ZNF83: variants seen among roughly 807,000 people sequenced by gnomAD.
The protein encoded by ZNF83 is zinc finger protein 816B.
For synonymous variants in ZNF83, 209 were observed against 213.0 expected, an observed-to-expected ratio of 0.98 and a Z score of 0.17; for missense variants, 552 against 629.9, an observed-to-expected ratio of 0.88 and a Z score of 1.32.
chr19:52,613,815 T>C (rs2060203107), exon 3 of ZNF83: 1 of 1,613,940 alleles, frequency 6.2e-7, no homozygotes, highest in South Asian at 1.1e-5. Flanking sequence ...TGATCAGATG[T>C]TGTACAAGGT....
At chr19:52,652,783 A>C (rs539183067) in intron 3 of ZNF83, 1 of 852,640 alleles carries the variant, frequency 1.2e-6, no homozygotes, top group African/African-American at 1.7e-5. Context: ...CTGCCCACTA[A>C]AGGCTTTGCC....
At chr19:52,648,512 C>CT (rs1168197851) in intron 3 of ZNF83, among the ~76,000 whole-genome samples, 1 of 152,160 alleles carries the variant, frequency 6.6e-6, no homozygotes, top group Non-Finnish European at 1.5e-5. Context: ...TTTCCCTAGT[C>CT]TCTTAAGCAT....
intron 2 of ZNF83, among the ~76,000 whole-genome samples, chr19:52,628,933 CCCAA>C (rs1316437793): frequency 6.6e-6 from 1 of 151,964 alleles, no homozygotes; most frequent in Non-Finnish European, 1.5e-5. Context: ...ATCTCTGTGC[CCCAA>C]CCGCTTTCCC....
chr19:52,622,858 A>G (rs963726505), intron 2 of ZNF83, among the ~76,000 whole-genome samples: 10 of 152,232 alleles, frequency 6.6e-5, no homozygotes, highest in Non-Finnish European at 1.5e-4. Context: ...AAAGTGTGCA[A>G]TAATAGAGAG....
chr19:52,685,081 T>C (rs2147367747), intron 1 of ZNF83, among the ~76,000 whole-genome samples: 1 of 152,344 alleles, frequency 6.6e-6, no homozygotes, highest in South Asian at 2.1e-4. Context: ...TTCTTCATTT[T>C]TGGGGTACTG....
At chr19:52,681,420 A>G (rs2061918692) in intron 1 of ZNF83, among the ~76,000 whole-genome samples, 1 of 152,120 alleles carries the variant, frequency 6.6e-6, no homozygotes, top group Non-Finnish European at 1.5e-5. Flanking sequence ...AATGAATTTG[A>G]TAGAAAAGAA....
chr19:52,648,452 A>G (rs1175336210), intron 3 of ZNF83, among the ~76,000 whole-genome samples: 1 of 150,286 alleles, frequency 6.7e-6, no homozygotes, highest in East Asian at 1.9e-4. Context: ...AAAGTGAAGG[A>G]AAAAAAAAAG....
chr19:52,684,387 A>C (rs1158843872), intron 1 of ZNF83, among the ~76,000 whole-genome samples: 1 of 151,862 alleles, frequency 6.6e-6, no homozygotes, highest in Admixed American at 6.6e-5. Flanking sequence ...AAATAAAAAT[A>C]AAAATACAAA....
chr19:52,650,899 G>A (rs544449187), intron 3 of ZNF83: 2 of 152,234 alleles, frequency 1.3e-5, no homozygotes, highest in East Asian at 3.9e-4. Context: ...GTCAAGGGAG[G>A]GAAATTGAAG....
At chr19:52,612,853 C>T (rs1046707583) in exon 3 of ZNF83, 10 of 604,400 alleles carry the variant, frequency 1.7e-5, no homozygotes, top group African/African-American at 1.1e-4. Context: ...ACATTCAGTA[C>T]ATTAGTAAAG....
At chr19:52,655,241 T>G in intron 3 of ZNF83, 1 of 278,236 alleles carries the variant, frequency 3.6e-6, no homozygotes, top group South Asian at 7.5e-5. Flanking sequence ...TGTCAGTCAC[T>G]GTCATGCTTT....
At chr19:52,631,323 G>A (rs1399473653) in intron 2 of ZNF83, among the ~76,000 whole-genome samples, 1 of 152,004 alleles carries the variant, frequency 6.6e-6, no homozygotes, top group African/African-American at 2.4e-5. Flanking sequence ...AGTTAGTGTG[G>A]TCAGAATTCT....
chr19:52,639,413 C>CTTT (rs1206783591), upstream of ZNF83, among the ~76,000 whole-genome samples: 18 of 53,868 alleles, frequency 3.3e-4, 1 homozygote, highest in African/African-American at 1.2e-3. Context: ...TTAGTTTTTT[C>CTTT]TATTTTTTTT....
chr19:52,658,062 G>A (rs2061530181), intron 2 of ZNF83, among the ~76,000 whole-genome samples: 1 of 150,040 alleles, frequency 6.7e-6, no homozygotes, highest in South Asian at 2.1e-4. Flanking sequence ...CTTTAACCAT[G>A]AAAGCGGAGG....
chr19:52,629,171 G>A (rs763161627), intron 2 of ZNF83, among the ~76,000 whole-genome samples: 1 of 152,096 alleles, frequency 6.6e-6, no homozygotes, highest in Non-Finnish European at 1.5e-5. Flanking sequence ...AAACTCGACA[G>A]TAGTTCCAAA....
intron 2 of ZNF83, chr19:52,618,703 A>G (rs1204609587): frequency 3.9e-6 from 3 of 770,004 alleles, no homozygotes; most frequent in Non-Finnish European, 5.8e-6. Flanking sequence ...TGCCAGCCAT[A>G]AGGTTTTAAG....
At chr19:52,687,054 G>A (rs1416551407) in intron 1 of ZNF83, among the ~76,000 whole-genome samples, 5 of 151,456 alleles carry the variant, frequency 3.3e-5, no homozygotes, top group South Asian at 2.1e-4. Flanking sequence ...GGTGGCGCAT[G>A]CCTGTAATCC....
rs766657260 is a variant in ZNF83, at chr19:52,613,203, C to T, written c.1362G>A (p.Glu454=). ...CACATTCATTACATTTGAAAGGTTT[C>T]TCTCCAGTGTGAATTTTCCGATGAT... is the stretch of plus-strand genomic sequence containing the variant. The change falls in exon 3 of 3, where the codon GAG becomes GAA. Residue 454 remains glutamate (E), a synonymous_variant. Transcript: ENST00000301096. 4.3e-6 allele frequency: 7 copies of T among 1,613,990 alleles called. No homozygotes were observed. In the East Asian group the frequency reaches 1.6e-4, roughly 36 times the overall value.
intron 2 of ZNF83, among the ~76,000 whole-genome samples, chr19:52,656,204 C>T (rs1436480953): frequency 9.9e-6 from 1 of 100,564 alleles, no homozygotes. Flanking sequence ...CAGAGTGAGA[C>T]TCCGTCTCTC....
Sources: allele counts gnomAD v4.1 joint callset (sites outside exome capture counted in the v4.1 genomes callset), GRCh38; gene constraint gnomAD v4.1.1; transcripts MANE v1.5; gene names NCBI Gene and HGNC (gene_info 2026-07-23, HGNC 2026-07-21).